The following PLXDC2 variants were observed in gnomAD, a reference collection of about 807,000 sequenced individuals.
PLXDC2 encodes the protein plexin domain-containing protein 2.
A neutral mutation model predicts 68.9 loss-of-function variants in PLXDC2; 40 were observed. That is an observed-to-expected ratio of 0.58 (90% CI 0.45 to 0.76). The LOEUF is 0.76. Among genes scored for constraint, PLXDC2 ranks in the 30% least tolerant of loss-of-function variants. The probability of loss-of-function intolerance (pLI) is 0.00; values close to 1 mark genes in which losing one functional copy is unlikely to be tolerated. For synonymous variants in PLXDC2, 243 were observed against 234.2 expected (o/e 1.04, Z -0.34); for missense variants, 644 against 661.9 (o/e 0.97, Z 0.30).
At chr10:20,121,182 T>G (rs1342635526) in intron 4 of PLXDC2, among the ~76,000 whole-genome samples, 1 of 152,094 alleles carries the variant, frequency 6.6e-6, no homozygotes, top group Non-Finnish European at 1.5e-5. Flanking sequence ...TTATGAGACA[T>G]GTAGAGAGTA....
intron 4 of PLXDC2, among the ~76,000 whole-genome samples, chr10:20,081,402 T>C (rs926449951): frequency 1.5e-5 from 2 of 131,816 alleles, no homozygotes; most frequent in East Asian, 4.5e-4. Context: ...AATATTGAAA[T>C]GCAAAGAAAA....
intron 7 of PLXDC2, among the ~76,000 whole-genome samples, chr10:20,169,140 T>A (rs1834413187): frequency 6.6e-6 from 1 of 152,192 alleles, no homozygotes; most frequent in Admixed American, 6.5e-5. Context: ...AAAATGGTGC[T>A]AAACGTCCTT....
At chr10:19,871,180 T>G (rs1003879730) in intron 1 of PLXDC2, among the ~76,000 whole-genome samples, 1 of 152,192 alleles carries the variant, frequency 6.6e-6, no homozygotes, top group Admixed American at 6.5e-5. Context: ...GTAACACCAT[T>G]TTTCTTCCTA....
At chr10:19,930,070 T>A (rs1833600659) in intron 1 of PLXDC2, among the ~76,000 whole-genome samples, 1 of 152,142 alleles carries the variant, frequency 6.6e-6, no homozygotes, top group African/African-American at 2.4e-5. Flanking sequence ...ATTTCATTGC[T>A]CCAGCCCACA....
At chr10:20,144,935 A>G (rs1834053157) in intron 5 of PLXDC2, among the ~76,000 whole-genome samples, 1 of 152,122 alleles carries the variant, frequency 6.6e-6, no homozygotes, top group South Asian at 2.1e-4. Flanking sequence ...AGCTCTTAAT[A>G]TTTGAATTTT....
chr10:19,852,087 A>G (rs1385029065), intron 1 of PLXDC2, among the ~76,000 whole-genome samples: 3 of 152,134 alleles, frequency 2.0e-5, no homozygotes, highest in Non-Finnish European at 4.4e-5. Context: ...CTGCAGACCT[A>G]CTGAACGAGG....
At chr10:20,250,143 C>T (rs1453782379) in intron 13 of PLXDC2, among the ~76,000 whole-genome samples, 1 of 151,880 alleles carries the variant, frequency 6.6e-6, no homozygotes, top group Non-Finnish European at 1.5e-5. Context: ...TGGTACGTGC[C>T]TGTAATCCCA....
chr10:19,884,192 C>T (rs949706963), intron 1 of PLXDC2, among the ~76,000 whole-genome samples: 11 of 151,720 alleles, frequency 7.3e-5, no homozygotes, highest in Non-Finnish European at 1.0e-4. Context: ...CCACTGTGCC[C>T]GGCCTAAACT....
chr10:20,185,441 G>A (rs1443189899), intron 9 of PLXDC2, among the ~76,000 whole-genome samples: 2 of 151,804 alleles, frequency 1.3e-5, no homozygotes, highest in Admixed American at 1.3e-4. Context: ...CATCCTTCAG[G>A]GGCATATAAA....
chr10:20,162,754 G>A (rs148310650), intron 6 of PLXDC2, among the ~76,000 whole-genome samples: 78 of 151,926 alleles, frequency 5.1e-4, no homozygotes, highest in African/African-American at 1.8e-3. Flanking sequence ...CTGAATTTAG[G>A]TTAGTAAATC....
chr10:20,226,267 A>C (rs897714470), intron 12 of PLXDC2, among the ~76,000 whole-genome samples: 9 of 152,196 alleles, frequency 5.9e-5, no homozygotes, highest in African/African-American at 2.2e-4. Flanking sequence ...ATGTTAATAT[A>C]GTAAGTGAAA....
intron 10 of PLXDC2, among the ~76,000 whole-genome samples, chr10:20,217,037 C>T (rs1368379037): frequency 1.3e-5 from 2 of 152,210 alleles, no homozygotes; most frequent in Non-Finnish European, 2.9e-5. Flanking sequence ...CACTTTTTCT[C>T]CACAAACCTG....
chr10:19,832,501 G>T (rs975868103), intron 1 of PLXDC2, among the ~76,000 whole-genome samples: 2 of 152,180 alleles, frequency 1.3e-5, no homozygotes, highest in Non-Finnish European at 2.9e-5. Flanking sequence ...TGTGTGATGT[G>T]TGCTTAAAAC....
rs752193798 is a variant in PLXDC2, at chr10:20,046,778, A to G, written c.325-91A>G. 105 of 1,330,334 alleles carry G rather than the reference A, an allele frequency of 7.9e-5. No individual in the cohort carries two copies. In the Middle Eastern group the frequency reaches 1.0e-3, roughly 13 times the overall value. 82.4% of individuals were successfully genotyped at this position (1,330,334 alleles called of 1,614,324 possible). Reference sequence around the variant, plus strand: ...AAATCATTTTGCTCTTTTAAAAACTATTAATACTCTTGAGTTCAATAGGAT... The same window carrying G: ...AAATCATTTTGCTCTTTTAAAAACTGTTAATACTCTTGAGTTCAATAGGAT... On this transcript the variant is annotated intron_variant, in intron 2 of 13. Coordinates refer to ENST00000377252, the MANE Select transcript of PLXDC2 (RefSeq NM_032812.9).
intron 4 of PLXDC2, among the ~76,000 whole-genome samples, chr10:20,106,474 C>T (rs749153437): frequency 6.6e-6 from 1 of 152,160 alleles, no homozygotes. Flanking sequence ...GGAATCTGGC[C>T]TGTGATATCC....
intron 13 of PLXDC2, among the ~76,000 whole-genome samples, chr10:20,247,331 A>G (rs1835612264): frequency 6.6e-6 from 1 of 151,688 alleles, no homozygotes; most frequent in Non-Finnish European, 1.5e-5. Flanking sequence ...AAAAAAATGA[A>G]TGGGGCATGG....
intron 5 of PLXDC2, among the ~76,000 whole-genome samples, chr10:20,144,863 A>G (rs75380094): frequency 0.031 from 4,794 of 152,290 alleles, 91 homozygotes; most frequent in South Asian, 0.067. Flanking sequence ...GTTGCTATCA[A>G]AATCATAAAG....
In PLXDC2 at chr10:20,284,102, A is replaced by G. The variant is rs760444937; in HGVS notation, c.*4283A>G. ...CGTTTATGATAGGAAATTAATATTT[A>G]AATAAGACTAATTGAAAACTAGATT... is the stretch of plus-strand genomic sequence containing the variant. On this transcript the variant is annotated 3_prime_UTR_variant, in exon 14 of 14. Coordinates refer to ENST00000377252, the MANE Select transcript of PLXDC2 (RefSeq NM_032812.9). The G allele has an allele frequency of 5.3e-5, 8 of 152,026 alleles. No homozygotes were observed. The highest frequency in any genetic ancestry group is 8.8e-5 in the Non-Finnish European group (6 of 68,018). The allele number at this position is 152,026 out of a possible 1,614,324, so 9.4% of individuals were successfully genotyped here.
At chr10:19,979,053 G>A (rs1834504996) in intron 1 of PLXDC2, among the ~76,000 whole-genome samples, 1 of 152,168 alleles carries the variant, frequency 6.6e-6, no homozygotes, top group Admixed American at 6.5e-5. Context: ...AAGATCTCCA[G>A]GTTGAAGATT....
Sources: gnomAD v4.1 joint callset for allele counts (sites outside exome capture counted in the v4.1 genomes callset) on GRCh38, gnomAD v4.1.1 for gene constraint, MANE v1.5 for transcripts, NCBI Gene and HGNC (gene_info 2026-07-23, HGNC 2026-07-21) for gene names.